Variants in LPCAT3 observed in about 807,000 individuals in gnomAD.
LPCAT3 encodes lysophosphatidylcholine acyltransferase 3.
A neutral mutation model predicts 63.4 loss-of-function variants in LPCAT3; 21 were observed. The ratio of observed to expected loss-of-function variants is 0.33; its 90% CI spans 0.23 to 0.48. The LOEUF (loss-of-function observed/expected upper bound fraction) is 0.48, where lower values mean the gene tolerates loss of function less well. Ranked by LOEUF, LPCAT3 falls within the 20% of genes least tolerant of loss-of-function variation. The pLI, the probability that LPCAT3 is intolerant of heterozygous loss-of-function variation, is 0.99. For missense variants in LPCAT3, 451 were observed against 590.6 expected (o/e 0.76, Z 2.45); for synonymous variants, 242 against 227.5 (o/e 1.06, Z -0.58).
intron 1 of LPCAT3, among the ~76,000 whole-genome samples, chr12:7,008,557 A>C (rs368851637): frequency 6.6e-6 from 1 of 152,188 alleles, no homozygotes; most frequent in Non-Finnish European, 1.5e-5. Context: ...GATGCAACAC[A>C]AAAAAGATGG....
In LPCAT3 at chr12:6,983,513, G is replaced by A. The variant is rs1946491907; in HGVS notation, c.178C>T (p.His60Tyr). 4.3e-6 allele frequency: 7 copies of A among 1,611,744 alleles called. No individual in the cohort carries two copies. Among genetic ancestry groups the A allele is most frequent in the Non-Finnish European group, 5.9e-6 (7 of 1,177,942 alleles). Residue 60 changes from histidine (H) to tyrosine (Y), a missense_variant, in exon 2 of 13, where the codon CAT becomes TAT. By Grantham distance (83) the His-to-Tyr change is moderately conservative. This residue lies in a region of LPCAT3 where 133 missense variants were observed against 152.1 expected (regional missense o/e 0.87). Coordinates refer to ENST00000261407, the MANE Select transcript of LPCAT3 (RefSeq NM_005768.6). ...LGYPFALFYR[H>Y]YLFYKETYLI... is the part of the protein sequence containing the mutation. ...TAGGTCTCCTTGTAGAAAAGGTAAT[G>A]CCGATAAAACAAAGCAAAGGGGTAA... is the stretch of plus-strand genomic sequence containing the variant.
At chr12:7,002,500 G>A (rs1763654865) in intron 1 of LPCAT3, among the ~76,000 whole-genome samples, 1 of 152,192 alleles carries the variant, frequency 6.6e-6, no homozygotes, top group Non-Finnish European at 1.5e-5. Flanking sequence ...TGTCTTTAGA[G>A]TTGCCAAATC....
chr12:6,983,182 A>G, intron 2 of LPCAT3: 1 of 460,234 alleles, frequency 2.2e-6, no homozygotes, highest in Non-Finnish European at 4.0e-6. Flanking sequence ...CAGCACAGAG[A>G]AACTGAGGAT....
chr12:6,986,826 A>C (rs2138338451), intron 1 of LPCAT3, among the ~76,000 whole-genome samples: 1 of 147,388 alleles, frequency 6.8e-6, no homozygotes, highest in South Asian at 2.2e-4. Context: ...AAAAAGTTAC[A>C]CCTGTCGGCC....
chr12:6,977,561 C>G lies in LPCAT3; in HGVS notation c.1189-36G>C, dbSNP rs1555153448. The stretch of plus-strand genomic sequence containing the variant: ...AGGAGGAGCTCATCAGCATCTTGTC[C>G]CTTATATTCCCCTTCACCCCCACCC... On this transcript the variant is annotated intron_variant, in intron 10 of 12. Coordinates refer to ENST00000261407, the MANE Select transcript of LPCAT3 (RefSeq NM_005768.6). This position sits in a 1 kb window ranked among gnomAD's most constrained non-coding sequence, Gnocchi z 4.5. 6.2e-7 allele frequency: 1 copy of G among 1,614,084 alleles called. No homozygotes were observed.
In LPCAT3 at chr12:7,001,596, G is replaced by C. The variant is rs770045126; in HGVS notation, c.151+16678C>G. ...CTGGCTGTGAGGCTGAGGCAGGCCT[G>C]AGGAGGGCTGGGGCTGACAGGTAGG... On this transcript the variant is annotated intron_variant, in intron 1 of 12. Coordinates refer to ENST00000261407, the MANE Select transcript of LPCAT3 (RefSeq NM_005768.6). 1,216 of 441,766 alleles carry C rather than the reference G, an allele frequency of 2.8e-3. 6 individuals carry two copies. The highest frequency in any genetic ancestry group is 2.8e-3 in the Middle Eastern group (8 of 2,894). 27.4% of individuals were successfully genotyped at this position (441,766 alleles called of 1,614,324 possible). A position where few individuals can be genotyped will look rare whatever the true frequency, so the allele number is the denominator to read the frequency against.
Position 6,977,553 on chromosome 12 carries a change from A to G in LPCAT3, c.1189-28T>C, listed in dbSNP as rs781898267. On this transcript the variant is annotated intron_variant, in intron 10 of 12. Coordinates refer to ENST00000261407, the MANE Select transcript of LPCAT3 (RefSeq NM_005768.6). This position sits in a 1 kb window ranked among gnomAD's most constrained non-coding sequence, Gnocchi z 4.5. ...GGGGAGGGAGGAGGAGCTCATCAGC[A>G]TCTTGTCCCTTATATTCCCCTTCAC... 1.2e-6 allele frequency: 2 copies of G among 1,614,146 alleles called. No homozygotes were observed. The highest frequency in any genetic ancestry group is 1.7e-5 in the Admixed American group (1 of 60,012).
intron 1 of LPCAT3, among the ~76,000 whole-genome samples, chr12:6,983,812 T>C (rs782136036): frequency 6.6e-6 from 1 of 152,218 alleles, no homozygotes; most frequent in Non-Finnish European, 1.5e-5. Context: ...GCTTATGAAC[T>C]ATTGCCAGAC....
chr12:6,985,055 T>A (rs1946507522), intron 1 of LPCAT3, among the ~76,000 whole-genome samples: 1 of 148,574 alleles, frequency 6.7e-6, no homozygotes, highest in African/African-American at 2.5e-5. Context: ...TATATGTTGG[T>A]TTCTGTCCTT....
At chr12:7,007,643 C>T (rs1379659440) in intron 1 of LPCAT3, among the ~76,000 whole-genome samples, 3 of 150,916 alleles carry the variant, frequency 2.0e-5, no homozygotes, top group African/African-American at 4.9e-5. Context: ...TACAGGCGTG[C>T]ACCACCGTGC....
chr12:7,006,569 T>C (rs781937573), intron 1 of LPCAT3, among the ~76,000 whole-genome samples: 1 of 152,234 alleles, frequency 6.6e-6, no homozygotes, highest in African/African-American at 2.4e-5. Context: ...GTTCCCATGT[T>C]TTGCTATTAT....
intron 5 of LPCAT3, 175 bp from the exon 6 acceptor site, chr12:6,981,357 C>T: frequency 1.5e-6 from 1 of 670,388 alleles, no homozygotes; most frequent in Non-Finnish European, 2.5e-6. Context: ...GCATAGCTGG[C>T]TGTTGCTGCT....
intron 1 of LPCAT3, among the ~76,000 whole-genome samples, chr12:7,003,928 C>CAAAA (rs781922909): frequency 9.5e-5 from 6 of 63,400 alleles, no homozygotes; most frequent in Non-Finnish European, 1.3e-4. Flanking sequence ...GACTCCGTCT[C>CAAAA]AAAAAAAAAA....
chr12:6,980,021 C>CTA (rs782023078), intron 6 of LPCAT3: 2 of 122,838 alleles, frequency 1.6e-5, no homozygotes, highest in African/African-American at 6.0e-5. Flanking sequence ...GGCAATTAAA[C>CTA]TTTTTTTTTT....
rs781889778 is a variant in LPCAT3 at position 7,017,635 on chromosome 12, G to A, written c.151+639C>T. On this transcript the variant is annotated intron_variant, in intron 1 of 12. Transcript: ENST00000261407. The surrounding 1 kb of genome is among the most constrained non-coding windows in gnomAD (Gnocchi z 4.1). Reference sequence around the variant, plus strand: ...ATAAACGCTTGGAATAGTATGGATCGATTTTAAGGAGGTTGTTAGTCCTGT... The same window carrying A: ...ATAAACGCTTGGAATAGTATGGATCAATTTTAAGGAGGTTGTTAGTCCTGT... 4.6e-5 allele frequency among the ~76,000 whole-genome samples: 7 copies of A among 152,232 alleles called. No individual in the cohort carries two copies. The highest frequency in any genetic ancestry group is 1.7e-4 in the African/African-American group (7 of 41,528).
chr12:6,992,447 C>A (rs965325519), intron 1 of LPCAT3, among the ~76,000 whole-genome samples: 9 of 152,162 alleles, frequency 5.9e-5, no homozygotes, highest in African/African-American at 2.2e-4. Flanking sequence ...TTTGGTGTCA[C>A]CGTCCTGATT....
At chr12:6,998,298 G>T (rs782241827) in intron 1 of LPCAT3, among the ~76,000 whole-genome samples, 2 of 152,228 alleles carry the variant, frequency 1.3e-5, no homozygotes, top group Non-Finnish European at 2.9e-5. Context: ...TTACAGGTGT[G>T]AGCTACTATG....
Position 6,977,019 on chromosome 12 carries a change from G to A in LPCAT3, c.*12+115C>T. On this transcript the variant is annotated intron_variant, in intron 12 of 12. Transcript: ENST00000261407. The surrounding 1 kb of genome is among the most constrained non-coding windows in gnomAD (Gnocchi z 4.5). ...GTCATTGCCCATACTGTGTTCCTTA[G>A]TAGCCAGGCTAATCCTTGGAATTCA... 2.8e-6 allele frequency: 2 copies of A among 715,484 alleles called. No homozygotes were observed. Among genetic ancestry groups the A allele is most frequent in the South Asian group, 1.7e-5 (1 of 60,566 alleles). The allele number at this position is 715,484 out of a possible 1,614,324, so 44.3% of individuals were successfully genotyped here.
In LPCAT3 at chr12:6,980,962, T is replaced by G. The variant is rs782082000; in HGVS notation, c.677+42A>C. 9 of 1,525,652 alleles carry G rather than the reference T, an allele frequency of 5.9e-6. No individual in the cohort carries two copies. In the South Asian group the frequency reaches 9.1e-5, roughly 15 times the overall value. 94.5% of individuals were successfully genotyped at this position (1,525,652 alleles called of 1,614,324 possible). A position where few individuals can be genotyped will look rare whatever the true frequency, so the allele number is the denominator to read the frequency against. ...TTCAGAAGAGTCACTTCAGAGTGAG[T>G]GAAATACCTACACAAACATCTGGAC... On this transcript the variant is annotated intron_variant, in intron 6 of 12. Transcript: ENST00000261407.
Sources: allele counts gnomAD v4.1 joint callset (sites outside exome capture counted in the v4.1 genomes callset), GRCh38; gene constraint gnomAD v4.1.1; regional missense constraint gnomAD v4.1.1; non-coding constraint Gnocchi (gnomAD v3.1); transcripts MANE v1.5; gene names NCBI Gene and HGNC (gene_info 2026-07-23, HGNC 2026-07-21).